CCDC171: variants seen among roughly 807,000 people sequenced by gnomAD.
The protein encoded by CCDC171 is coiled-coil domain containing 171.
A neutral mutation model predicts 168.2 loss-of-function variants in CCDC171; 177 were observed. The ratio of observed to expected loss-of-function variants is 1.05; its 90% confidence interval spans 0.93 to 1.19. CCDC171 has a LOEUF of 1.19. Ranked by LOEUF, CCDC171 falls within the 50% of genes most tolerant of loss-of-function variation. CCDC171 has a pLI of 0.00. For missense variants in CCDC171, 1,991 were observed against 1,539.0 expected (o/e 1.29, Z -4.91); for synonymous variants, 687 against 540.8 (o/e 1.27, Z -3.75).
At chr9:15,657,755 A>T (rs374536062) in intron 8 of CCDC171, among the ~76,000 whole-genome samples, 1 of 152,238 alleles carries the variant, frequency 6.6e-6, no homozygotes, top group East Asian at 1.9e-4. Flanking sequence ...GAAGTACAAA[A>T]TACTGAAATA....
chr9:15,988,732 A>G (rs1028870725), intron 3 of CCDC171, among the ~76,000 whole-genome samples: 3 of 152,176 alleles, frequency 2.0e-5, no homozygotes, highest in Admixed American at 6.5e-5. Context: ...TCCCACCCTA[A>G]TACTGCACTT....
intron 24 of CCDC171, among the ~76,000 whole-genome samples, chr9:15,878,996 A>G (rs573046816): frequency 6.6e-6 from 1 of 152,152 alleles, no homozygotes; most frequent in South Asian, 2.1e-4. Flanking sequence ...GGAGAGGATC[A>G]GAAAAAATAA....
At chr9:15,906,101 G>A (rs1025842394) in intron 24 of CCDC171, among the ~76,000 whole-genome samples, 2 of 152,176 alleles carry the variant, frequency 1.3e-5, no homozygotes, top group African/African-American at 2.4e-5. Context: ...GGTACAAGGA[G>A]GAGCTGTTAC....
At chr9:15,734,478 C>T (rs2054355114) in intron 16 of CCDC171, among the ~76,000 whole-genome samples, 2 of 152,010 alleles carry the variant, frequency 1.3e-5, no homozygotes, top group South Asian at 2.1e-4. Flanking sequence ...GCAGAGGTTG[C>T]AATAAGCCGA....
At chr9:16,102,983 C>T in the CCDC171 span, among the ~76,000 whole-genome samples, 7 of 152,322 alleles carry the variant, frequency 4.6e-5, no homozygotes, top group Admixed American at 3.9e-4. Context: ...TGCTAACTTT[C>T]GGATTGAGCA....
chr9:15,749,280 A>AAT (rs1424561655), intron 18 of CCDC171, among the ~76,000 whole-genome samples: 5 of 152,224 alleles, frequency 3.3e-5, no homozygotes, highest in Admixed American at 6.5e-5. Context: ...AACTATCCTA[A>AAT]ATATATATGC....
At position 15,611,119 on chromosome 9, in the gene CCDC171, T is replaced by C. The variant is rs1047618941; in HGVS notation, c.676-12148T>C. 2.3e-4 allele frequency among the ~76,000 whole-genome samples: 35 copies of C among 152,122 alleles called. 2 individuals are homozygous for C. The highest frequency in any genetic ancestry group is 7.3e-5 in the Non-Finnish European group (5 of 68,036). ...TGGTCATTTAAAAGTGTGTAGCGCC[T>C]CCTTCCTCCTGCTCCTGATCTGGCC... On this transcript the variant is annotated intron_variant, in intron 6 of 25. Transcript: ENST00000380701.
chr9:16,095,265 A>T, the CCDC171 span, among the ~76,000 whole-genome samples: 2 of 152,154 alleles, frequency 1.3e-5, no homozygotes, highest in Non-Finnish European at 2.9e-5. Flanking sequence ...CAAGGACACA[A>T]TCGCCTTCGG....
At chr9:16,095,899 T>TATATATATATATATACAC in the CCDC171 span, among the ~76,000 whole-genome samples, 173 of 140,168 alleles carry the variant, frequency 1.2e-3, 3 homozygotes, top group African/African-American at 4.5e-3. Flanking sequence ...TATATATATA[T>TATATATATATATATACAC]ACTGCCTCCA....
intron 18 of CCDC171, among the ~76,000 whole-genome samples, chr9:15,769,897 A>G (rs987900993): frequency 5.3e-5 from 8 of 152,224 alleles, no homozygotes; most frequent in Admixed American, 5.2e-4. Flanking sequence ...GAGTTACTGA[A>G]GTTACTTCTA....
the CCDC171 span, among the ~76,000 whole-genome samples, chr9:16,080,339 T>C: frequency 8.5e-5 from 13 of 152,250 alleles, no homozygotes; most frequent in African/African-American, 2.7e-4. Context: ...TGTGTGTATG[T>C]ATGTGCATGT....
At chr9:15,654,448 CTA>C (rs1259495580) in intron 7 of CCDC171, among the ~76,000 whole-genome samples, 2 of 152,154 alleles carry the variant, frequency 1.3e-5, no homozygotes, top group African/African-American at 4.8e-5. Context: ...ATGCTCTGCA[CTA>C]TGATAGTCAT....
At chr9:15,775,731 T>TA (rs2057289074) in intron 18 of CCDC171, among the ~76,000 whole-genome samples, 1 of 152,238 alleles carries the variant, frequency 6.6e-6, no homozygotes, top group Non-Finnish European at 1.5e-5. Flanking sequence ...ATTGTTTATT[T>TA]AAAAACAAGA....
chr9:15,846,742 A>C lies in CCDC171; in HGVS notation c.3308A>C (p.Gln1103Pro), dbSNP rs762751151. 1.5e-5 allele frequency: 24 copies of C among 1,612,960 alleles called. No individual in the cohort carries two copies. Among genetic ancestry groups the C allele is most frequent in the Non-Finnish European group, 2.0e-5 (24 of 1,179,468 alleles). ...EAKMELRRKD[Q>P]SLRQLNRHLT... ...AAGATGGAGCTGAGAAGAAAAGATC[A>C]ATCTCTGCGTCAGCTCAATAGACAT... is the stretch of plus-strand genomic sequence containing the variant. The change falls in exon 22 of 26, where the codon CAA (glutamine) becomes CCA (proline). Residue 1103 changes from glutamine to proline, a missense_variant. Coordinates refer to ENST00000380701, the MANE Select transcript of CCDC171 (RefSeq NM_173550.4).
chr9:15,812,418 A>C (rs73420322), intron 21 of CCDC171, among the ~76,000 whole-genome samples: 1 of 152,310 alleles, frequency 6.6e-6, no homozygotes, highest in African/African-American at 2.4e-5. Flanking sequence ...AACAGATTGA[A>C]AATCAACTTT....
chr9:15,623,475 G>GCGCGCGCTCACACA lies in CCDC171; in HGVS notation c.822+63_822+64insGCGCGCTCACACAC. The GCGCGCGCTCACACA allele has an allele frequency of 1.6e-4, 50 of 315,436 alleles. 3 individuals are homozygous for GCGCGCGCTCACACA. The South Asian group carries it at 2.8e-3, about 18-fold the overall frequency. 19.5% of individuals were successfully genotyped at this position (315,436 alleles called of 1,614,324 possible). A position where few individuals can be genotyped will look rare whatever the true frequency, so the allele number is the denominator to read the frequency against. ...CAAACTTTCACATATGCGCGCGCGC[G>GCGCGCGCTCACACA]CACACACACACACACACACACACAC... On this transcript the variant is annotated intron_variant, in intron 7 of 25. Transcript: ENST00000380701.
At chr9:15,740,958 A>C (rs1286854949) in intron 16 of CCDC171, among the ~76,000 whole-genome samples, 2 of 152,184 alleles carry the variant, frequency 1.3e-5, no homozygotes, top group Admixed American at 1.3e-4. Context: ...GTGTCTTTCA[A>C]CCATATTTAA....
chr9:16,066,717 T>C, the CCDC171 span, among the ~76,000 whole-genome samples: 5 of 149,360 alleles, frequency 3.3e-5, no homozygotes, highest in African/African-American at 9.9e-5. Context: ...CGGTGTTTGG[T>C]TTTTTGTTCT....
chr9:15,679,691 A>T (rs1343315284), intron 10 of CCDC171, among the ~76,000 whole-genome samples: 2 of 152,096 alleles, frequency 1.3e-5, no homozygotes. Flanking sequence ...CTGAGACTGC[A>T]GATGTGCCAC....
Sources: allele counts gnomAD v4.1 joint callset (sites outside exome capture counted in the v4.1 genomes callset), GRCh38; gene constraint gnomAD v4.1.1; transcripts MANE v1.5; gene names NCBI Gene and HGNC (gene_info 2026-07-23, HGNC 2026-07-21).